Variants in DDX3X observed in about 807,000 individuals in gnomAD.
The protein encoded by DDX3X is ATP-dependent RNA helicase DDX3X.
A neutral mutation model predicts 52.7 loss-of-function variants in DDX3X; 4 were observed. The ratio of observed to expected loss-of-function variants is 0.08; its 90% CI spans 0.04 to 0.17. The LOEUF (loss-of-function observed/expected upper bound fraction) is 0.17, where lower values mean the gene tolerates loss of function less well. DDX3X is among the 10% of genes least tolerant of loss of function. The pLI is 1.00. For missense variants in DDX3X, 222 were observed against 548.6 expected, an observed-to-expected ratio of 0.40 and a Z score of 5.95; for synonymous variants, 192 against 178.1, an observed-to-expected ratio of 1.08 and a Z score of -0.62.
At chrX:41,340,237 C>T (rs1321412588) in intron 3 of DDX3X, 1 of 112,022 alleles carries the variant, frequency 8.9e-6, no homozygotes, top group Non-Finnish European at 1.9e-5. Context: ...GGGGAGGTTA[C>T]TTTGGAATTT....
intron 2 of DDX3X, chrX:41,338,334 T>A (rs1392722170): frequency 1.8e-5 from 2 of 112,202 alleles, no homozygotes; most frequent in African/African-American, 3.2e-5. Flanking sequence ...TTTGTCATGC[T>A]AAGAATCTTT....
chrX:41,358,095 G>A, intron 5 of DDX3X: 1 of 134,199 alleles, frequency 7.5e-6, no homozygotes, highest in Non-Finnish European at 1.2e-5. Context: ...TTTTTTTTTT[G>A]AGATGGAGTT....
At chrX:41,355,179 G>A (rs2064003714), downstream of DDX3X, among the ~76,000 whole-genome samples, 6 of 111,495 alleles carry the variant, frequency 5.4e-5, no homozygotes, top group South Asian at 7.4e-4. Flanking sequence ...CCGTTCAGCC[G>A]TTGAAGGATA....
chrX:41,334,329 C>A lies in DDX3X; in HGVS notation c.45+32C>A, dbSNP rs202206909. On this transcript the variant is annotated intron_variant, in intron 1 of 16. Coordinates refer to ENST00000644876, the MANE Select transcript of DDX3X (RefSeq NM_001356.5). ...CGCAAGAACCCCACCGGGCTGGCTG[C>A]TGCGTGAATTCCTCCCCTGACCTAA... is the stretch of plus-strand genomic sequence containing the variant. The A allele has an allele frequency of 2.2e-5, 27 of 1,203,883 alleles. No homozygotes were observed. In the African/African-American group the frequency reaches 3.3e-4, roughly 15 times the overall value.
At chrX:41,343,541 A>G (rs902634573) in intron 7 of DDX3X, 190 bp downstream of exon 7, 1 of 535,439 alleles carries the variant, frequency 1.9e-6, no homozygotes, top group Non-Finnish European at 2.9e-6. Context: ...ATTTATAAAA[A>G]TAACAGGCTT....
chrX:41,350,332 A>T (rs755980004), downstream of DDX3X: 19 of 112,476 alleles, frequency 1.7e-4, no homozygotes, highest in African/African-American at 6.1e-4. Context: ...TGCCTCTTGG[A>T]TACAGAATGA....
chrX:41,334,481 C>CCGGTCT, intron 1 of DDX3X, 184 bp downstream of exon 1: 1 of 1,096,116 alleles, frequency 9.1e-7, no homozygotes. Context: ...TCGCCCGGGC[C>CCGGTCT]CGGTCTCGGC....
chrX:41,353,414 G>A (rs2063996773), downstream of DDX3X, among the ~76,000 whole-genome samples: 1 of 108,929 alleles, frequency 9.2e-6, no homozygotes, highest in East Asian at 2.8e-4. Context: ...CTTGCAGTGA[G>A]CTGAGATTGT....
rs1411728968 is a variant in DDX3X, at chrX:41,345,237, T to A, written c.1083T>A (p.Ile361=). Residue 361 remains isoleucine, a synonymous_variant, in exon 11 of 17, where the codon ATT becomes ATA. Coordinates refer to ENST00000644876, the MANE Select transcript of DDX3X (RefSeq NM_001356.5). ...TGGATATGGGGTTTGAGCCTCAGAT[T>A]CGTAGAATAGTCGAACAAGATACTA... ...RMLDMGFEPQ[I]RRIVEQDTMP... 8.3e-7 allele frequency: 1 copy of A among 1,208,654 alleles called. No homozygotes were observed. Among genetic ancestry groups the A allele is most frequent in the Non-Finnish European group, 1.1e-6 (1 of 894,150 alleles).
chrX:41,343,414 A>G, intron 7 of DDX3X, 63 bp downstream of exon 7: 1 of 1,067,616 alleles, frequency 9.4e-7, no homozygotes, highest in East Asian at 3.3e-5. Context: ...ACAATAAAAT[A>G]TTTTATTTTT....
upstream of DDX3X, chrX:41,333,929 G>A (rs1183448621): frequency 4.4e-6 from 1 of 225,952 alleles, no homozygotes; most frequent in African/African-American, 2.9e-5. Context: ...GGGAAGTGTA[G>A]CTCGAGAGAA....
At chrX:41,352,122 A>G (rs1341248709), downstream of DDX3X, among the ~76,000 whole-genome samples, 1 of 99,255 alleles carries the variant, frequency 1.0e-5, no homozygotes, top group Non-Finnish European at 2.2e-5. Flanking sequence ...GATAAACTAA[A>G]TATATACATA....
rs768273872 is a variant in DDX3X, at chrX:41,363,961, TC to T, written c.655-311del. 7.1e-3 allele frequency among the ~76,000 whole-genome samples: 796 copies of T among 111,771 alleles called. 5 individuals are homozygous for T. Among genetic ancestry groups the T allele is most frequent in the Non-Finnish European group, 0.012 (624 of 53,121 alleles). On this transcript the variant is annotated intron_variant, in intron 5 of 5. Transcript: ENST00000616050. The stretch of plus-strand genomic sequence containing the variant: ...GAGCACTGTTCATATCAGCTGTTCT[TC>T]CACGCTTCCTTCAGCCTAGACCCCA...
chrX:41,354,721 A>G (rs970699655), downstream of DDX3X, among the ~76,000 whole-genome samples: 12 of 111,584 alleles, frequency 1.1e-4, no homozygotes, highest in African/African-American at 3.9e-4. Context: ...TCTAAAATGT[A>G]ATTTTAAAAT....
At position 41,341,649 on chromosome X, in the gene DDX3X, TATA is replaced by T. The variant is rs763882928; in HGVS notation, c.284+38_284+40del. 6 of 1,178,590 alleles carry T rather than the reference TATA, an allele frequency of 5.1e-6. No homozygotes were observed. The South Asian group carries it at 9.1e-5, about 18-fold the overall frequency. On this transcript the variant is annotated intron_variant, in intron 4 of 16. Transcript: ENST00000644876. ...ATTTCTTAATCACCTTACGTGTATG[TATA>T]ATAACAGTTTAATAAGTCGTTATCC...
upstream of DDX3X, chrX:41,333,900 G>A (rs937618536): frequency 1.7e-5 from 3 of 181,034 alleles, no homozygotes; most frequent in Non-Finnish European, 3.1e-5. Context: ...GCTGAGACTA[G>A]GGTTTTAGCG....
chrX:41,341,729 C>G lies in DDX3X; in HGVS notation c.284+113C>G, dbSNP rs189937233. 5.1e-5 allele frequency: 39 copies of G among 771,101 alleles called. 1 individual carries two copies. In the Admixed American group the frequency reaches 9.1e-4, roughly 18 times the overall value. 63.5% of individuals were successfully genotyped at this position (771,101 alleles called of 1,213,427 possible). A position where few individuals can be genotyped will look rare whatever the true frequency, so the allele number is the denominator to read the frequency against. On this transcript the variant is annotated intron_variant, in intron 4 of 16. Coordinates refer to ENST00000644876, the MANE Select transcript of DDX3X (RefSeq NM_001356.5). ...TATGTCTGTTTGGTCATTGTATTTT[C>G]TTAGCCGTAAGAGGCTTTTACTAAA...
chrX:41,334,668 C>T (rs2063733979), intron 1 of DDX3X: 1 of 1,039,227 alleles, frequency 9.6e-7, no homozygotes, highest in African/African-American at 1.9e-5. Context: ...CGACTGGAGG[C>T]CCTTTTGGCT....
chrX:41,360,167 C>T (rs1212404951), intron 5 of DDX3X, among the ~76,000 whole-genome samples: 1 of 108,345 alleles, frequency 9.2e-6, no homozygotes, highest in African/African-American at 3.4e-5. Flanking sequence ...CACCTGAGGT[C>T]AGGAGTTCAA....
Sources: gnomAD v4.1 joint callset for allele counts (sites outside exome capture counted in the v4.1 genomes callset) on GRCh38, gnomAD v4.1.1 for gene constraint, MANE v1.5 for transcripts, NCBI Gene and HGNC (gene_info 2026-07-23, HGNC 2026-07-21) for gene names.